The following AP4M1 variants were observed in gnomAD, a reference collection of about 807,000 sequenced individuals.
AP4M1 encodes AP-4 complex subunit mu-1.
AP4M1 carries 58 observed loss-of-function variants against 62.4 expected under a neutral mutation model. The observed-to-expected ratio is 0.93, with a 90% CI of 0.75 to 1.16. The LOEUF (loss-of-function observed/expected upper bound fraction) is 1.16, where lower values mean the gene tolerates loss of function less well. Ranked by LOEUF, AP4M1 falls within the 50% of genes most tolerant of loss-of-function variation. The pLI, the probability that AP4M1 is intolerant of heterozygous loss-of-function variation, is 0.00. For missense variants in AP4M1, 626 were observed against 585.4 expected (o/e 1.07, Z -0.72); for synonymous variants, 290 against 239.7 (o/e 1.21, Z -1.94).
At chr7:100,103,945 G>T in intron 6 of AP4M1, 147 bp from the exon 7 acceptor site, 1 of 761,950 alleles carries the variant, frequency 1.3e-6, no homozygotes, top group Middle Eastern at 2.3e-4. Context: ...CCCCAGATGT[G>T]GGTGGAGGTG....
At position 100,106,394 on chromosome 7, in the gene AP4M1, A is replaced by C. The variant is rs1327307764; in HGVS notation, c.1026-9A>C. 6.2e-7 allele frequency: 1 copy of C among 1,613,426 alleles called. No individual in the cohort carries two copies. On this transcript the variant is annotated splice_polypyrimidine_tract_variant and intron_variant, in intron 13 of 14. Transcript: ENST00000359593. The stretch of plus-strand genomic sequence containing the variant: ...GCCAAGCCCAGCACCTTCCCTTTCC[A>C]AACTCCAGCCTGTCTCAGGAGCTGA...
At position 100,108,105 on chromosome 7, in the gene AP4M1, G is replaced by C. The variant is rs1455577037; in HGVS notation, c.*1223G>C. 5 of 1,604,562 alleles carry C rather than the reference G, an allele frequency of 3.1e-6. No homozygotes were observed. Among genetic ancestry groups the C allele is most frequent in the South Asian group, 2.2e-5 (2 of 89,966 alleles). ...GGGCCAGGCTGTGGGGCCTGCGAGA[G>C]GGTCAGCGTGGGCCGGGGCTGCGGG... is the stretch of plus-strand genomic sequence containing the variant. On this transcript the variant is annotated 3_prime_UTR_variant, in exon 15 of 15. Transcript: ENST00000359593.
Position 100,103,676 on chromosome 7 carries a change from C to G in AP4M1, c.527C>G (p.Ser176Cys). ...PSSAASRPVL[S>C]SRSDQSQKNE... ...AGTGCAGCCAGCCGCCCCGTCCTGT[C>G]CAGTCGCTCTGACCAGGTGAGGGAA... The change falls in exon 6 of 15, where the codon TCC becomes TGC. Residue 176 changes from serine (S) to cysteine (C), a missense_variant. Physicochemically the swap from Ser to Cys is moderately radical, Grantham distance 112 (BLOSUM62 -1). Transcript: ENST00000359593. 1.2e-6 allele frequency: 2 copies of G among 1,612,784 alleles called. No homozygotes were observed. The highest frequency in any genetic ancestry group is 1.3e-5 in the African/African-American group (1 of 74,992).
In AP4M1 at chr7:100,106,748, G is replaced by A. The variant is rs751442561; in HGVS notation, c.1228G>A (p.Glu410Lys). 16 of 1,613,860 alleles carry A rather than the reference G, an allele frequency of 9.9e-6. No homozygotes were observed. The highest frequency in any genetic ancestry group is 3.3e-5 in the Admixed American group (2 of 60,000). The part of the protein sequence containing the change: ...LGLGPASLSF[E>K]LPRHTCSGLQ... ...GCTGGGCCCTGCCAGTCTCTCCTTCGAGCTTCCCCGGCACACGTGCTCTGG... is the reference window on the plus strand; with the variant it reads ...GCTGGGCCCTGCCAGTCTCTCCTTCAAGCTTCCCCGGCACACGTGCTCTGG... The change falls in exon 15 of 15, where the codon GAG (glutamate) becomes AAG (lysine). Residue 410 changes from glutamate (E) to lysine (K), a missense_variant. Glu to Lys is a moderately conservative substitution (Grantham distance 56, BLOSUM62 1). Transcript: ENST00000359593.
chr7:100,105,852 G>C, intron 11 of AP4M1, 107 bp from the exon 12 acceptor site: 1 of 1,348,418 alleles, frequency 7.4e-7, no homozygotes, highest in East Asian at 2.3e-5. Context: ...TTCCCTCTTG[G>C]GAGTACAGCC....
rs1225307330 is a variant in AP4M1, at chr7:100,102,421, AAG to A, written c.148-251_148-250del. 3.2e-5 allele frequency: 14 copies of A among 438,252 alleles called. No homozygotes were observed. The African/African-American group carries it at 4.3e-4, about 14-fold the overall frequency. 27.1% of individuals were successfully genotyped at this position (438,252 alleles called of 1,614,324 possible). ...AGGTGGGGGTGGGGAAAAAAAAAAA[AAG>A]AGTCAATGGGCGCCAGCAACACACC... On this transcript the variant is annotated intron_variant, in intron 2 of 14. Coordinates refer to ENST00000359593, the MANE Select transcript of AP4M1 (RefSeq NM_004722.4).
At chr7:100,106,140 G>A (rs1796452931) in intron 12 of AP4M1, 101 bp from the exon 13 acceptor site, 1 of 1,553,458 alleles carries the variant, frequency 6.4e-7, no homozygotes, top group Middle Eastern at 1.8e-4. Context: ...ATTTGGGAAG[G>A]TGGGGGGCAC....
intron 2 of AP4M1, 134 bp downstream of exon 2, chr7:100,102,102 C>A: frequency 1.9e-6 from 2 of 1,032,958 alleles, no homozygotes; most frequent in Non-Finnish European, 1.5e-6. Context: ...AACGTGAGGC[C>A]CGGCGCGGTG....
rs1456366058 is a variant in AP4M1 at position 100,107,437 on chromosome 7, C to T, written c.*555C>T. On this transcript the variant is annotated 3_prime_UTR_variant, in exon 15 of 15. Transcript: ENST00000359593. ...GAGGTGGGGCCTCCTTTGCCCTCCC[C>T]TGTTGGGGGAAGTGAGACCACGATG... The T allele has an allele frequency of 1.2e-6, 2 of 1,611,860 alleles. No homozygotes were observed. The highest frequency in any genetic ancestry group is 1.7e-5 in the Admixed American group (1 of 59,788).
chr7:100,104,878 C>G lies in AP4M1; in HGVS notation c.611C>G (p.Ser204Cys), dbSNP rs200722903. 1 of 1,614,142 alleles carries G rather than the reference C, an allele frequency of 6.2e-7. No individual in the cohort carries two copies. Among genetic ancestry groups the G allele is most frequent in the Middle Eastern group, 1.6e-4 (1 of 6,062 alleles). Residue 204 changes from serine (S) to cysteine (C), a missense_variant, in exon 8 of 15, where the codon TCC becomes TGC. Coordinates refer to ENST00000359593, the MANE Select transcript of AP4M1 (RefSeq NM_004722.4). ...RLSVLIASNG[S>C]LLKVDVQGEI... ...CTTGACGCCCCTGCCTCTCAGGGAT[C>G]CCTGCTGAAGGTGGATGTGCAGGGA... is the stretch of plus-strand genomic sequence containing the variant.
At position 100,108,425 on chromosome 7, in the gene AP4M1, C is replaced by A; in HGVS notation, c.*1543C>A. The A allele has an allele frequency of 6.2e-7, 1 of 1,613,792 alleles. No homozygotes were observed. Among genetic ancestry groups the A allele is most frequent in the South Asian group, 1.1e-5 (1 of 91,066 alleles). On this transcript the variant is annotated 3_prime_UTR_variant, in exon 15 of 15. Coordinates refer to ENST00000359593, the MANE Select transcript of AP4M1 (RefSeq NM_004722.4). ...CTGAGCCTGCAGAGCAGCCTGGGCC[C>A]GAGCCTTGACCACCTGGGAGCAGAG...
chr7:100,103,342 G>A, intron 4 of AP4M1, 67 bp from the exon 5 acceptor site: 1 of 1,342,434 alleles, frequency 7.4e-7, no homozygotes, highest in Non-Finnish European at 1.1e-6. Context: ...CACCATGCCT[G>A]GCCCCACTCC....
At chr7:100,102,391 G>A in intron 2 of AP4M1, 1 of 504,846 alleles carries the variant, frequency 2.0e-6, no homozygotes, top group East Asian at 3.6e-5. Flanking sequence ...ACTCCCTCTC[G>A]GGGTAGGTGG....
chr7:100,103,291 A>C (rs1388994448), intron 4 of AP4M1, 118 bp from the exon 5 acceptor site: 1 of 873,408 alleles, frequency 1.1e-6, no homozygotes, highest in Non-Finnish European at 1.9e-6. Flanking sequence ...CCATTCTCCT[A>C]CGTCTCGGCC....
chr7:100,105,450 T>C lies in AP4M1; in HGVS notation c.840T>C (p.Thr280=). The change falls in exon 11 of 15, where the codon ACT becomes ACC. Residue 280 remains threonine, a synonymous_variant. Transcript: ENST00000359593. ...LRLQPPQGEL[T]VMRYQLSDDL... The stretch of plus-strand genomic sequence containing the variant: ...GTTGCTCTCTGGTCTCTCAGCTGAC[T>C]GTGATGCGGTACCAACTCTCCGATG... 6.2e-7 allele frequency: 1 copy of C among 1,614,014 alleles called. No homozygotes were observed. The highest frequency in any genetic ancestry group is 1.1e-5 in the South Asian group (1 of 91,082).
At chr7:100,101,043 C>T (rs182889891), upstream of AP4M1, among the ~76,000 whole-genome samples, 3 of 152,322 alleles carry the variant, frequency 2.0e-5, no homozygotes, top group Admixed American at 6.5e-5. Flanking sequence ...ACCCTAACAC[C>T]TTTACCAGGT....
At chr7:100,105,837 C>T in intron 11 of AP4M1, 122 bp from the exon 12 acceptor site, 1 of 1,232,000 alleles carries the variant, frequency 8.1e-7, no homozygotes, top group East Asian at 2.3e-5. Flanking sequence ...TGGGCTTCAG[C>T]CCTTTTCCCT....
At position 100,105,282 on chromosome 7, in the gene AP4M1, G is replaced by C; in HGVS notation, c.770G>C (p.Ser257Thr). 1 of 1,614,130 alleles carries C rather than the reference G, an allele frequency of 6.2e-7. No homozygotes were observed. The highest frequency in any genetic ancestry group is 1.6e-4 in the Middle Eastern group (1 of 6,062). Residue 257 changes from serine (S) to threonine (T), a missense_variant, in exon 10 of 15, where the codon AGC (serine) becomes ACC (threonine). Coordinates refer to ENST00000359593, the MANE Select transcript of AP4M1 (RefSeq NM_004722.4). Reference protein sequence around the residue: ...GIRVDEVSFHSSVNLDEFESH... With the variant: ...GIRVDEVSFHTSVNLDEFESH... ...CGGGTCGATGAAGTCTCGTTTCACA[G>C]CTCTGTGAATCTGGACGAATTTGAG...
intron 6 of AP4M1, 85 bp from the exon 7 acceptor site, chr7:100,104,007 A>T: frequency 8.1e-7 from 1 of 1,227,946 alleles, no homozygotes; most frequent in Non-Finnish European, 1.2e-6. Context: ...TGTAGCTTTG[A>T]CTGTCCTGTT....
Sources: allele counts gnomAD v4.1 joint callset (sites outside exome capture counted in the v4.1 genomes callset), GRCh38; gene constraint gnomAD v4.1.1; transcripts MANE v1.5; gene names NCBI Gene and HGNC (gene_info 2026-07-23, HGNC 2026-07-21).